The following GIGYF2 variants were observed in gnomAD, a reference collection of about 807,000 sequenced individuals.
The protein encoded by GIGYF2 is GRB10 interacting GYF protein 2, also known as GRB10-interacting GYF protein 2.
In GIGYF2, 25 loss-of-function variants were observed where a neutral mutation model predicts 208.1. The observed-to-expected ratio is 0.12, with a 90% confidence interval of 0.09 to 0.17. The LOEUF is 0.17. GIGYF2 is among the 10% of genes least tolerant of loss of function. The pLI is 1.00. For synonymous variants in GIGYF2, 534 were observed against 543.8 expected, an observed-to-expected ratio of 0.98 and a Z score of 0.25; for missense variants, 1,302 against 1,579.4, an observed-to-expected ratio of 0.82 and a Z score of 2.98.
chr2:232,720,532 G>A (rs1468150649), intron 2 of GIGYF2, among the ~76,000 whole-genome samples: 1 of 150,952 alleles, frequency 6.6e-6, no homozygotes, highest in Admixed American at 6.6e-5. Context: ...TTCCACAATG[G>A]TTAAACTAGT....
intron 8 of GIGYF2, among the ~76,000 whole-genome samples, chr2:232,775,142 T>C (rs1216198540): frequency 6.6e-6 from 1 of 152,012 alleles, no homozygotes; most frequent in African/African-American, 2.4e-5. Flanking sequence ...AGAAGGAAGA[T>C]TGATTTCTGA....
At chr2:232,735,360 G>T in intron 3 of GIGYF2, 122 bp downstream of exon 3, 1 of 727,040 alleles carries the variant, frequency 1.4e-6, no homozygotes, top group South Asian at 1.6e-5. Context: ...TATGTGCCTC[G>T]CTGAAAACAA....
intron 2 of GIGYF2, among the ~76,000 whole-genome samples, chr2:232,709,463 A>T (rs958238475): frequency 6.6e-6 from 1 of 152,188 alleles, no homozygotes; most frequent in Non-Finnish European, 1.5e-5. Context: ...AACTGGGGCT[A>T]TACGCGCGGC....
At chr2:232,811,035 A>G (rs987744950) in intron 16 of GIGYF2, 12 of 518,888 alleles carry the variant, frequency 2.3e-5, no homozygotes, top group Non-Finnish European at 4.1e-5. Flanking sequence ...ACTCGGAAAC[A>G]CGCCATCTAT....
Position 232,791,022 on chromosome 2 carries a change from G to T in GIGYF2, c.945G>T (p.Glu315Asp). 6.2e-7 allele frequency: 1 copy of T among 1,614,066 alleles called. No homozygotes were observed. The highest frequency in any genetic ancestry group is 8.5e-7 in the Non-Finnish European group (1 of 1,179,968). The change falls in exon 11 of 29, where the codon GAG (glutamate) becomes GAT (aspartate). Residue 315 changes from glutamate to aspartate, a missense_variant. Glu to Asp is a conservative substitution (Grantham distance 45). Around this residue, in one of 8 missense-constraint regions of GIGYF2, gnomAD observed 235 missense variants for 218.8 expected, o/e 1.07. Coordinates refer to ENST00000373563, the MANE Select transcript of GIGYF2 (RefSeq NM_001103146.3). ...AFLSLKKVQK[E>D]PIPEEQEMDF... ...TCTTTCTACAGAAAGTACAGAAAGAGCCTATTCCAGAAGAGCAGGAGATGG... is the reference window on the plus strand; with the variant it reads ...TCTTTCTACAGAAAGTACAGAAAGATCCTATTCCAGAAGAGCAGGAGATGG...
chr2:232,737,735 A>G (rs1697792231), intron 3 of GIGYF2, among the ~76,000 whole-genome samples: 1 of 152,118 alleles, frequency 6.6e-6, no homozygotes, highest in African/African-American at 2.4e-5. Context: ...AGACAGAAGC[A>G]CTAAGTGATA....
intron 5 of GIGYF2, among the ~76,000 whole-genome samples, chr2:232,755,914 T>C (rs1235868579): frequency 6.6e-6 from 1 of 152,250 alleles, no homozygotes; most frequent in Non-Finnish European, 1.5e-5. Flanking sequence ...GTATTTTCCC[T>C]ATCTACTTGT....
intron 14 of GIGYF2, among the ~76,000 whole-genome samples, chr2:232,805,872 C>T (rs1168511655): frequency 6.6e-6 from 1 of 152,116 alleles, no homozygotes; most frequent in Non-Finnish European, 1.5e-5. Context: ...TGCCATATCC[C>T]TACTGTCTAT....
intron 20 of GIGYF2, among the ~76,000 whole-genome samples, chr2:232,817,926 T>TCAAA (rs1700963258): frequency 6.6e-6 from 1 of 152,210 alleles, no homozygotes; most frequent in South Asian, 2.1e-4. Context: ...TCTTTTGAAT[T>TCAAA]TTTTGAAGAA....
At chr2:232,721,567 C>T (rs573310298) in intron 2 of GIGYF2, among the ~76,000 whole-genome samples, 1 of 152,298 alleles carries the variant, frequency 6.6e-6, no homozygotes, top group South Asian at 2.1e-4. Context: ...TAGGGTGGCC[C>T]TTCTGCCTAG....
At chr2:232,732,154 A>G (rs566375153) in intron 2 of GIGYF2, among the ~76,000 whole-genome samples, 1 of 152,322 alleles carries the variant, frequency 6.6e-6, no homozygotes, top group East Asian at 1.9e-4. Context: ...TCTGTCATCA[A>G]TTTAAAATTT....
intron 2 of GIGYF2, among the ~76,000 whole-genome samples, chr2:232,720,477 A>G (rs955776956): frequency 1.3e-5 from 2 of 152,078 alleles, no homozygotes; most frequent in Admixed American, 1.3e-4. Flanking sequence ...CGCTGGGTCA[A>G]ATAGTATTTC....
intron 28 of GIGYF2, among the ~76,000 whole-genome samples, chr2:232,855,777 C>A (rs1033510105): frequency 2.0e-5 from 3 of 152,142 alleles, no homozygotes; most frequent in African/African-American, 7.2e-5. Flanking sequence ...TGTATACAAC[C>A]CTCCATGGTA....
chr2:232,768,859 TATCAATAC>T (rs1241483897), intron 8 of GIGYF2: 1 of 1,493,538 alleles, frequency 6.7e-7, no homozygotes, highest in South Asian at 1.2e-5. Flanking sequence ...AGACTTTAAA[TATCAATAC>T]TTTTTCTGAA....
chr2:232,851,712 G>T (rs545860916), intron 28 of GIGYF2, among the ~76,000 whole-genome samples: 17 of 152,176 alleles, frequency 1.1e-4, no homozygotes, highest in Non-Finnish European at 2.2e-4. Flanking sequence ...GAACCGCCAC[G>T]CCCGGCCCTA....
intron 22 of GIGYF2, among the ~76,000 whole-genome samples, chr2:232,833,506 G>C (rs1701489253): frequency 6.6e-6 from 1 of 152,320 alleles, no homozygotes; most frequent in South Asian, 2.1e-4. Context: ...TTGGTTTTTT[G>C]ATCATCAATA....
chr2:232,774,166 G>T lies in GIGYF2; in HGVS notation c.532+12730G>T, dbSNP rs183160134. The stretch of plus-strand genomic sequence containing the variant: ...AATGAGGTATAATGAGGTAGTAAGT[G>T]GTGGATATGAATATTATACATTCTG... On this transcript the variant is annotated intron_variant, in intron 8 of 28. Transcript: ENST00000373563. Among the ~76,000 whole-genome samples the T allele has an allele frequency of 2.0e-5, 3 of 152,004 alleles. No homozygotes were observed. In the East Asian group the frequency reaches 5.8e-4, roughly 29 times the overall value.
Position 232,858,592 on chromosome 2 carries a change from TAAAA to T in GIGYF2, c.*1735_*1738del, listed in dbSNP as rs889884578. On this transcript the variant is annotated 3_prime_UTR_variant, in exon 29 of 29. Transcript: ENST00000373563. ...GAACTTTTGCCAGTGTGGAGGAAAA[TAAAA>T]AAGAACTTAAATAAAATCTGATTGT... 1 of 453,804 alleles carries T rather than the reference TAAAA, an allele frequency of 2.2e-6. No homozygotes were observed. The highest frequency in any genetic ancestry group is 1.6e-5 in the South Asian group (1 of 64,266). 28.1% of individuals were successfully genotyped at this position (453,804 alleles called of 1,614,324 possible).
chr2:232,790,549 A>G, intron 9 of GIGYF2, 149 bp from the exon 10 acceptor site: 1 of 742,046 alleles, frequency 1.3e-6, no homozygotes, highest in Non-Finnish European at 2.4e-6. Context: ...TCTGAACTTC[A>G]TTTAGTTGCC....
Sources: gnomAD v4.1 joint callset for allele counts (sites outside exome capture counted in the v4.1 genomes callset) on GRCh38, gnomAD v4.1.1 for gene constraint, gnomAD v4.1.1 regional missense constraint, MANE v1.5 for transcripts, NCBI Gene and HGNC (gene_info 2026-07-23, HGNC 2026-07-21) for gene names.